The following NSFL1C variants were observed in gnomAD, a reference collection of about 807,000 sequenced individuals.
NSFL1C encodes NSFL1 cofactor p47.
A neutral mutation model predicts 43.1 loss-of-function variants in NSFL1C; 14 were observed. That is an observed-to-expected ratio of 0.32 (90% CI 0.21 to 0.51). The LOEUF (loss-of-function observed/expected upper bound fraction) is 0.51. Ranked by LOEUF, NSFL1C falls within the 20% of genes least tolerant of loss-of-function variation. The probability of loss-of-function intolerance (pLI) is 0.98; values close to 1 mark genes in which losing one functional copy is unlikely to be tolerated. For synonymous variants in NSFL1C, 171 were observed against 183.5 expected, an observed-to-expected ratio of 0.93 and a Z score of 0.55; for missense variants, 406 against 472.5, an observed-to-expected ratio of 0.86 and a Z score of 1.30.
At chr20:1,453,257 GAC>G in intron 5 of NSFL1C, 117 bp from the exon 6 acceptor site, 1 of 676,434 alleles carries the variant, frequency 1.5e-6, no homozygotes. Context: ...CACACATAGA[GAC>G]ACACATATAT....
rs757236810 is a variant in NSFL1C at position 1,466,744 on chromosome 20, G to C, written c.81C>G (p.Leu27=). 3.8e-6 allele frequency: 6 copies of C among 1,562,932 alleles called. No homozygotes were observed. The highest frequency in any genetic ancestry group is 4.3e-6 in the Non-Finnish European group (5 of 1,157,046). Residue 27 remains leucine (L), a synonymous_variant, in exon 1 of 9, where the codon CTC becomes CTG. Transcript: ENST00000216879. The stretch of plus-strand genomic sequence containing the variant: ...CCTGCAAGTCCCAGCCGGCCGACTC[G>C]AGAAAGAAGCGGGCCCGGTCCTCCT... ...GAEEDRARFF[L]ESAGWDLQIA... is the part of the protein sequence containing the mutation.
At chr20:1,459,934 T>C (rs1380785794) in intron 2 of NSFL1C, among the ~76,000 whole-genome samples, 2 of 152,264 alleles carry the variant, frequency 1.3e-5, no homozygotes, top group African/African-American at 4.8e-5. Context: ...CAAATATATG[T>C]GTGTACACTT....
intron 7 of NSFL1C, among the ~76,000 whole-genome samples, chr20:1,451,158 T>C (rs113711272): frequency 3.3e-5 from 5 of 152,230 alleles, no homozygotes; most frequent in African/African-American, 4.8e-5. Context: ...TCTGTGAGAA[T>C]AGCTGTCCTG....
chr20:1,452,843 C>A (rs930618829), intron 6 of NSFL1C, among the ~76,000 whole-genome samples, 188 bp downstream of exon 6: 1 of 152,224 alleles, frequency 6.6e-6, no homozygotes, highest in Non-Finnish European at 1.5e-5. Context: ...CCACTTAGGT[C>A]TGCCTCAGGC....
chr20:1,459,453 C>G (rs1446861348), intron 2 of NSFL1C, among the ~76,000 whole-genome samples: 4 of 152,172 alleles, frequency 2.6e-5, no homozygotes, highest in Non-Finnish European at 4.4e-5. Context: ...AATTAAATCT[C>G]TTTTCTTCAT....
rs571039251 is a variant in NSFL1C, at chr20:1,452,365, T to C, written c.785+128A>G. ...CATGTTCTCCACACTCTTCCTCCCA[T>C]ACAAATAAAATTTGAAGTATTTTGT... On this transcript the variant is annotated intron_variant, in intron 7 of 8. Coordinates refer to ENST00000216879, the MANE Select transcript of NSFL1C (RefSeq NM_016143.5). 3.5e-3 allele frequency: 4,425 copies of C among 1,266,460 alleles called. 15 individuals carry two copies. The highest frequency in any genetic ancestry group is 4.3e-3 in the Non-Finnish European group (3,969 of 914,210). 78.5% of individuals were successfully genotyped at this position (1,266,460 alleles called of 1,614,324 possible).
At chr20:1,466,475 G>C (rs573799768) in intron 1 of NSFL1C, among the ~76,000 whole-genome samples, 7 of 152,346 alleles carry the variant, frequency 4.6e-5, no homozygotes, top group Non-Finnish European at 7.3e-5. Context: ...AAGTCTCGCT[G>C]ACGCCGCAAG....
Position 1,455,255 on chromosome 20 carries a change from G to C in NSFL1C, c.279-123C>G, listed in dbSNP as rs2090273746. The C allele has an allele frequency of 3.5e-6, 4 of 1,159,282 alleles. No individual in the cohort carries two copies. The East Asian group carries it at 9.4e-5, about 27-fold the overall frequency. 71.8% of individuals were successfully genotyped at this position (1,159,282 alleles called of 1,614,324 possible). A position where few individuals can be genotyped will look rare whatever the true frequency, so the allele number is the denominator to read the frequency against. On this transcript the variant is annotated intron_variant, in intron 3 of 8. Transcript: ENST00000216879. ...ATGCTTGTCTTTAAAGAATTTACTG[G>C]CTAGTTGGGAACACATGGAAGGAGG...
intron 6 of NSFL1C, 87 bp downstream of exon 6, chr20:1,452,944 C>A: frequency 1.2e-6 from 1 of 812,990 alleles, no homozygotes; most frequent in South Asian, 1.4e-5. Flanking sequence ...ACAATTTACT[C>A]CTCAAATAAT....
chr20:1,462,609 C>T (rs566124169), intron 2 of NSFL1C, among the ~76,000 whole-genome samples: 7 of 151,934 alleles, frequency 4.6e-5, no homozygotes, highest in Non-Finnish European at 8.8e-5. Context: ...GCAAGCTCCG[C>T]CCCCCGGGTT....
At chr20:1,452,718 C>T (rs528392584) in intron 6 of NSFL1C, 88 bp from the exon 7 acceptor site, 118 of 1,532,946 alleles carry the variant, frequency 7.7e-5, no homozygotes, top group Middle Eastern at 7.0e-4. Context: ...CTCTCAGTCC[C>T]GTGGTGAAAA....
At chr20:1,458,378 T>C (rs1464984902) in intron 2 of NSFL1C, 104 bp from the exon 3 acceptor site, 5 of 882,952 alleles carry the variant, frequency 5.7e-6, no homozygotes, top group Non-Finnish European at 9.5e-6. Flanking sequence ...ACATTTTTGG[T>C]AGGCGAGAGG....
At chr20:1,451,074 T>C (rs1470314644) in intron 7 of NSFL1C, among the ~76,000 whole-genome samples, 1 of 152,160 alleles carries the variant, frequency 6.6e-6, no homozygotes, top group Non-Finnish European at 1.5e-5. Flanking sequence ...AAGATGAACA[T>C]GTATTATTTT....
Position 1,443,734 on chromosome 20 carries a change from C to A in NSFL1C, c.*15G>T. ...TGGGAAACACAGGAGGGAGGCCAGG[C>A]AGCTGGCTGGGCGGTTATGTTAACC... is the stretch of plus-strand genomic sequence containing the variant. On this transcript the variant is annotated 3_prime_UTR_variant, in exon 9 of 9. Coordinates refer to ENST00000216879, the MANE Select transcript of NSFL1C (RefSeq NM_016143.5). The A allele has an allele frequency of 6.2e-7, 1 of 1,612,442 alleles. No individual in the cohort carries two copies. The highest frequency in any genetic ancestry group is 8.5e-7 in the Non-Finnish European group (1 of 1,178,650).
At position 1,453,167 on chromosome 20, in the gene NSFL1C, C is replaced by T. The variant is rs201443428; in HGVS notation, c.538-27G>A. On this transcript the variant is annotated intron_variant, in intron 5 of 8. Coordinates refer to ENST00000216879, the MANE Select transcript of NSFL1C (RefSeq NM_016143.5). ...TGTGATGACAGGGAGTAAACAGTTA[C>T]CAGGGATCTGGCAAGCATACCAATT... 1.2e-5 allele frequency: 16 copies of T among 1,308,760 alleles called. No individual in the cohort carries two copies. The Admixed American group carries it at 1.4e-4, about 11-fold the overall frequency. The allele number at this position is 1,308,760 out of a possible 1,614,324, so 81.1% of individuals were successfully genotyped here. A position where few individuals can be genotyped will look rare whatever the true frequency, so the allele number is the denominator to read the frequency against.
At chr20:1,455,956 G>C (rs911641555) in intron 3 of NSFL1C, 15 of 578,844 alleles carry the variant, frequency 2.6e-5, no homozygotes, top group Non-Finnish European at 4.6e-5. Context: ...CAATAGGCCA[G>C]GCATGGCTTG....
At position 1,458,242 on chromosome 20, in the gene NSFL1C, A is replaced by G; in HGVS notation, c.236T>C (p.Ile79Thr). Residue 79 changes from isoleucine to threonine, a missense_variant, in exon 3 of 9, where the codon ATT becomes ACT. Ile to Thr is a moderately conservative substitution (Grantham distance 89). Around this residue, in one of 3 missense-constraint regions of NSFL1C, gnomAD observed 203 missense variants for 216.3 expected, o/e 0.94. Transcript: ENST00000216879. ...CTCCTCATCTTCATCTTGGTCATGA[A>G]TGAGGTCTCTGAAGGATGTCACTCT... is the stretch of plus-strand genomic sequence containing the variant. ...DNRVTSFRDL[I>T]HDQDEDEEEE... The G allele has an allele frequency of 1.2e-6, 2 of 1,613,824 alleles. No individual in the cohort carries two copies. The highest frequency in any genetic ancestry group is 1.7e-6 in the Non-Finnish European group (2 of 1,179,766).
intron 3 of NSFL1C, among the ~76,000 whole-genome samples, chr20:1,455,385 T>C (rs971666644): frequency 1.3e-5 from 2 of 152,174 alleles, no homozygotes; most frequent in Non-Finnish European, 2.9e-5. Context: ...GGGCTGAATC[T>C]TGAGGATAAG....
chr20:1,449,493 C>A (rs1201838414), intron 7 of NSFL1C, among the ~76,000 whole-genome samples: 2 of 152,194 alleles, frequency 1.3e-5, no homozygotes. Flanking sequence ...GTGCTCTAAT[C>A]ATCCCGCAGG....
Sources: gnomAD v4.1 joint callset for allele counts (sites outside exome capture counted in the v4.1 genomes callset) on GRCh38, gnomAD v4.1.1 for gene constraint, gnomAD v4.1.1 regional missense constraint, MANE v1.5 for transcripts, NCBI Gene and HGNC (gene_info 2026-07-23, HGNC 2026-07-21) for gene names.